SUGCT: variants seen among roughly 807,000 people sequenced by gnomAD.
SUGCT encodes succinyl-CoA:glutarate-CoA transferase.
SUGCT carries 41 observed loss-of-function variants against 55.0 expected under a neutral mutation model. The ratio of observed to expected loss-of-function variants is 0.74; its 90% CI spans 0.58 to 0.97. The LOEUF is 0.97. Among genes scored for constraint, SUGCT ranks in the 50% least tolerant of loss-of-function variants. The pLI, the probability that SUGCT is intolerant of heterozygous loss-of-function variation, is 0.00. For synonymous variants in SUGCT, 187 were observed against 200.4 expected (o/e 0.93, Z 0.56); for missense variants, 568 against 547.8 (o/e 1.04, Z -0.37).
chr7:40,433,735 C>T (rs1788030724), intron 9 of SUGCT, among the ~76,000 whole-genome samples: 1 of 152,104 alleles, frequency 6.6e-6, no homozygotes, highest in Admixed American at 6.6e-5. Flanking sequence ...TTAAACGTAT[C>T]TAATGTAATT....
chr7:40,266,441 G>A (rs1025167597), intron 7 of SUGCT, among the ~76,000 whole-genome samples: 2 of 151,674 alleles, frequency 1.3e-5, no homozygotes, highest in African/African-American at 4.8e-5. Flanking sequence ...GAGCCACTGC[G>A]CCTGGCCTGA....
intron 11 of SUGCT, among the ~76,000 whole-genome samples, chr7:40,494,411 G>A (rs2151515109): frequency 6.6e-6 from 1 of 152,336 alleles, no homozygotes; most frequent in African/African-American, 2.4e-5. Context: ...GACTGGAACA[G>A]TCATTGAAAA....
chr7:40,293,850 T>C (rs1211259191), intron 8 of SUGCT, among the ~76,000 whole-genome samples: 12 of 152,236 alleles, frequency 7.9e-5, no homozygotes, highest in Admixed American at 7.9e-4. Flanking sequence ...AGCAACTTTC[T>C]TGGCTTGTCT....
chr7:40,186,708 A>C (rs1785536545), intron 3 of SUGCT, among the ~76,000 whole-genome samples: 2 of 152,168 alleles, frequency 1.3e-5, no homozygotes, highest in Admixed American at 1.3e-4. Context: ...AGGGAACCTA[A>C]GTGAGGAAAG....
the SUGCT span, among the ~76,000 whole-genome samples, chr7:40,888,706 C>T: frequency 6.6e-6 from 1 of 152,148 alleles, no homozygotes; most frequent in Non-Finnish European, 1.5e-5. Flanking sequence ...TGCACCTGCA[C>T]TTGGGAGGAT....
chr7:40,984,121 C>A, the SUGCT span, among the ~76,000 whole-genome samples: 1 of 152,052 alleles, frequency 6.6e-6, no homozygotes, highest in Non-Finnish European at 1.5e-5. Context: ...CAGAACTCTC[C>A]CCTTTCAGCC....
At chr7:40,335,043 G>T (rs1383664639) in intron 9 of SUGCT, among the ~76,000 whole-genome samples, 2 of 152,156 alleles carry the variant, frequency 1.3e-5, no homozygotes, top group Admixed American at 1.3e-4. Flanking sequence ...TCTCAGGTTT[G>T]TCAAAGATCA....
chr7:40,790,374 C>T (rs1462739017), intron 13 of SUGCT, among the ~76,000 whole-genome samples: 1 of 152,184 alleles, frequency 6.6e-6, no homozygotes, highest in Non-Finnish European at 1.5e-5. Flanking sequence ...CTCCCAAGCC[C>T]TGTGGAACTG....
the SUGCT span, among the ~76,000 whole-genome samples, chr7:41,011,507 G>A: frequency 1.3e-5 from 2 of 152,222 alleles, no homozygotes; most frequent in African/African-American, 4.8e-5. Flanking sequence ...CCAACCTCTA[G>A]GGGAGCTTGT....
At chr7:40,956,968 C>T in the SUGCT span, among the ~76,000 whole-genome samples, 1 of 151,982 alleles carries the variant, frequency 6.6e-6, no homozygotes, top group Non-Finnish European at 1.5e-5. Flanking sequence ...TTTGATTGCA[C>T]TGTGGTCTGA....
At chr7:40,216,498 CAAAAAAAAAAAAA>C (rs1022915051) in intron 6 of SUGCT, among the ~76,000 whole-genome samples, 18 of 50,412 alleles carry the variant, frequency 3.6e-4, no homozygotes, top group South Asian at 2.3e-3. Context: ...GACTCCGTCT[CAAAAAAAAAAAAA>C]AAAAAAAAAA....
At chr7:40,934,945 C>T in the SUGCT span, among the ~76,000 whole-genome samples, 1 of 152,282 alleles carries the variant, frequency 6.6e-6, no homozygotes, top group African/African-American at 2.4e-5. Flanking sequence ...TCCAACCAGT[C>T]CCAGTGAGAT....
chr7:41,029,003 T>C, the SUGCT span, among the ~76,000 whole-genome samples: 1 of 152,192 alleles, frequency 6.6e-6, no homozygotes. Flanking sequence ...ACCAAAATCA[T>C]ATTTTTGGCA....
At chr7:40,740,640 A>T (rs1413047015) in intron 12 of SUGCT, among the ~76,000 whole-genome samples, 3 of 151,460 alleles carry the variant, frequency 2.0e-5, no homozygotes, top group Non-Finnish European at 4.4e-5. Flanking sequence ...ATTAAGTATG[A>T]TGTTATCTTT....
the SUGCT span, among the ~76,000 whole-genome samples, chr7:40,928,690 C>T: frequency 6.6e-6 from 1 of 151,526 alleles, no homozygotes; most frequent in Admixed American, 6.6e-5. Context: ...ACCTCTGCCT[C>T]CTAGGTTCAA....
intron 7 of SUGCT, among the ~76,000 whole-genome samples, chr7:40,260,028 A>G (rs2150959695): frequency 6.6e-6 from 1 of 152,316 alleles, no homozygotes; most frequent in South Asian, 2.1e-4. Context: ...TTTGTTATTG[A>G]CATTAGTGCT....
chr7:40,155,464 G>T (rs2150622973), intron 1 of SUGCT, among the ~76,000 whole-genome samples: 1 of 152,068 alleles, frequency 6.6e-6, no homozygotes. Flanking sequence ...GCTCGTTTTT[G>T]TGAGCAACAT....
At chr7:40,928,714 C>T in the SUGCT span, among the ~76,000 whole-genome samples, 1 of 152,004 alleles carries the variant, frequency 6.6e-6, no homozygotes, top group East Asian at 1.9e-4. Flanking sequence ...ATTCTCCTGC[C>T]TCAGCCTCCT....
At chr7:40,248,563 ATTG>A (rs988425566) in intron 7 of SUGCT, among the ~76,000 whole-genome samples, 11 of 150,666 alleles carry the variant, frequency 7.3e-5, no homozygotes, top group Non-Finnish European at 1.3e-4. Flanking sequence ...CGCAATTATT[ATTG>A]TTATTATTAT....
Sources: allele counts gnomAD v4.1 joint callset (sites outside exome capture counted in the v4.1 genomes callset), GRCh38; gene constraint gnomAD v4.1.1; transcripts MANE v1.5; gene names NCBI Gene and HGNC (gene_info 2026-07-23, HGNC 2026-07-21).